Variants in HEXIM1 observed in about 807,000 individuals in gnomAD.
HEXIM1 encodes HEXIM P-TEFb complex subunit 1.
Under a neutral mutation model 30.3 loss-of-function variants are expected in HEXIM1, and 1 was observed. The ratio of observed to expected loss-of-function variants is 0.03; its 90% CI spans 0.01 to 0.16. The LOEUF is 0.16. HEXIM1 is among the 10% of genes least tolerant of loss of function. HEXIM1 has a pLI of 1.00. For missense variants in HEXIM1, 391 were observed against 476.4 expected (o/e 0.82, Z 1.67); for synonymous variants, 245 against 208.3 (o/e 1.18, Z -1.52).
chr17:45,150,593 A>G lies in HEXIM1; in HGVS notation c.*323A>G, dbSNP rs991200037. ...CCTTAAACGGAGCTATAAGGTGGCCAAATCTGAGAACAATTAAATTCATTT... is the reference window on the plus strand; with the variant it reads ...CCTTAAACGGAGCTATAAGGTGGCCGAATCTGAGAACAATTAAATTCATTT... On this transcript the variant is annotated 3_prime_UTR_variant, in exon 1 of 1. Transcript: ENST00000332499. 6 of 261,068 alleles carry G rather than the reference A, an allele frequency of 2.3e-5. No homozygotes were observed. The highest frequency in any genetic ancestry group is 1.3e-4 in the African/African-American group (6 of 44,460). 16.2% of individuals were successfully genotyped at this position (261,068 alleles called of 1,614,324 possible). A position where few individuals can be genotyped will look rare whatever the true frequency, so the allele number is the denominator to read the frequency against.
In HEXIM1 at chr17:45,150,372, C is replaced by T; in HGVS notation, c.*102C>T. The T allele has an allele frequency of 2.2e-6, 3 of 1,395,202 alleles. No individual in the cohort carries two copies. Among genetic ancestry groups the T allele is most frequent in the Non-Finnish European group, 2.9e-6 (3 of 1,031,158 alleles). The allele number at this position is 1,395,202 out of a possible 1,614,324, so 86.4% of individuals were successfully genotyped here. A position where few individuals can be genotyped will look rare whatever the true frequency, so the allele number is the denominator to read the frequency against. ...TAAGACAGTGGACCTTTTTATGACACATAATCAGAAGAGAAATCCCCCTGG... is the reference window on the plus strand; with the variant it reads ...TAAGACAGTGGACCTTTTTATGACATATAATCAGAAGAGAAATCCCCCTGG... On this transcript the variant is annotated 3_prime_UTR_variant, in exon 1 of 1. Transcript: ENST00000332499.
rs778225514 is a variant in HEXIM1 at position 45,149,942 on chromosome 17, G to T, written c.752G>T (p.Gly251Val). ...FMEEGGEEDG[G>V]SDGMGGDGSE... Reference sequence around the variant, plus strand: ...GAAGAAGGGGGTGAGGAGGATGGGGGCAGCGATGGGATGGGAGGGGACGGC... The same window carrying T: ...GAAGAAGGGGGTGAGGAGGATGGGGTCAGCGATGGGATGGGAGGGGACGGC... Residue 251 changes from glycine to valine, a missense_variant, in exon 1 of 1, where the codon GGC becomes GTC. Physicochemically the swap from Gly to Val is moderately radical, Grantham distance 109 (BLOSUM62 -3). Transcript: ENST00000332499. The surrounding 1 kb of genome is among the most constrained non-coding windows in gnomAD (Gnocchi z 5.3). 6.2e-7 allele frequency: 1 copy of T among 1,613,832 alleles called. No homozygotes were observed. The highest frequency in any genetic ancestry group is 8.5e-7 in the Non-Finnish European group (1 of 1,180,028).
Position 45,149,491 on chromosome 17 carries a change from G to A in HEXIM1, c.301G>A (p.Gly101Ser). 6.2e-7 allele frequency: 1 copy of A among 1,610,342 alleles called. No homozygotes were observed. The highest frequency in any genetic ancestry group is 8.5e-7 in the Non-Finnish European group (1 of 1,178,910). The change falls in exon 1 of 1, where the codon GGC (glycine) becomes AGC (serine). Residue 101 changes from glycine (G) to serine (S), a missense_variant. Transcript: ENST00000332499. This position sits in a 1 kb window ranked among gnomAD's most constrained non-coding sequence, Gnocchi z 5.3. ...GQNGDDSSAG[G>S]DFPPPAEVEP... ...GAATGGGGACGACTCGTCCGCTGGC[G>A]GCGACTTCCCGCCGCCGGCAGAAGT...
At position 45,151,438 on chromosome 17, in the gene HEXIM1, C is replaced by T. The variant is rs1395806151; in HGVS notation, c.*1168C>T. 1.2e-5 allele frequency: 2 copies of T among 166,984 alleles called. No individual in the cohort carries two copies. The highest frequency in any genetic ancestry group is 2.4e-5 in the African/African-American group (1 of 41,432). The allele number at this position is 166,984 out of a possible 1,614,324, so 10.3% of individuals were successfully genotyped here. Reference sequence around the variant, plus strand: ...CCTCAGCTGAATGAGGAACCCTGTACATCCCCTTGCACAGCCCTATTCTAA... The same window carrying T: ...CCTCAGCTGAATGAGGAACCCTGTATATCCCCTTGCACAGCCCTATTCTAA... On this transcript the variant is annotated 3_prime_UTR_variant, in exon 1 of 1. Transcript: ENST00000332499.
At position 45,149,103 on chromosome 17, in the gene HEXIM1, TTC is replaced by T. The variant is rs1491531525; in HGVS notation, c.-86_-85del. The T allele has an allele frequency of 4.0e-6, 5 of 1,252,590 alleles. No homozygotes were observed. The highest frequency in any genetic ancestry group is 2.9e-5 in the South Asian group (2 of 68,248). The allele number at this position is 1,252,590 out of a possible 1,614,324, so 77.6% of individuals were successfully genotyped here. A position where few individuals can be genotyped will look rare whatever the true frequency, so the allele number is the denominator to read the frequency against. ...AGGACTCTGTTGGACTGTTTTTTTTTTCTTTTTCTTTTTTTTAAGAAAAACCC... is the reference window on the plus strand; with the variant it reads ...AGGACTCTGTTGGACTGTTTTTTTTTTTTTTCTTTTTTTTAAGAAAAACCC... On this transcript the variant is annotated 5_prime_UTR_variant, in exon 1 of 1. Transcript: ENST00000332499. The surrounding 1 kb of genome is among the most constrained non-coding windows in gnomAD (Gnocchi z 5.3).
In HEXIM1 at chr17:45,149,259, T is replaced by C. The variant is rs769413846; in HGVS notation, c.69T>C (p.Ala23=). ...CTAGCAACTGTACAGGTGCTGCTGCTGTCCAGGAAGAGCTGAACCCTGAGC... is the reference window on the plus strand; with the variant it reads ...CTAGCAACTGTACAGGTGCTGCTGCCGTCCAGGAAGAGCTGAACCCTGAGC... ...PQTSNCTGAA[A]VQEELNPERP... The change falls in exon 1 of 1, where the codon GCT becomes GCC. Residue 23 remains alanine (A), a synonymous_variant. Coordinates refer to ENST00000332499, the MANE Select transcript of HEXIM1 (RefSeq NM_006460.3). The surrounding 1 kb of genome is among the most constrained non-coding windows in gnomAD (Gnocchi z 5.3). The C allele has an allele frequency of 6.8e-6, 11 of 1,613,956 alleles. No individual in the cohort carries two copies. Among genetic ancestry groups the C allele is most frequent in the Non-Finnish European group, 8.5e-6 (10 of 1,180,040 alleles).
chr17:45,149,627 G>A lies in HEXIM1; in HGVS notation c.437G>A (p.Arg146Lys), dbSNP rs756961690. 6 of 1,613,166 alleles carry A rather than the reference G, an allele frequency of 3.7e-6. No homozygotes were observed. Among genetic ancestry groups the A allele is most frequent in the South Asian group, 1.1e-5 (1 of 91,074 alleles). ...GGEEEWGQQQ[R>K]QLGKKKHRRR... ...GAAGAGGAGTGGGGACAGCAGCAGA[G>A]ACAGCTGGGGAAGAAAAAACATAGG... Residue 146 changes from arginine (R) to lysine (K), a missense_variant, in exon 1 of 1, where the codon AGA becomes AAA. Coordinates refer to ENST00000332499, the MANE Select transcript of HEXIM1 (RefSeq NM_006460.3). This position sits in a 1 kb window ranked among gnomAD's most constrained non-coding sequence, Gnocchi z 5.3.
rs1486813787 is a variant in HEXIM1, at chr17:45,148,477, C to T, written c.-714C>T. 9.3e-5 allele frequency: 37 copies of T among 396,262 alleles called. No individual in the cohort carries two copies. Among genetic ancestry groups the T allele is most frequent in the African/African-American group, 2.1e-5 (1 of 47,718 alleles). 24.5% of individuals were successfully genotyped at this position (396,262 alleles called of 1,614,324 possible). A position where few individuals can be genotyped will look rare whatever the true frequency, so the allele number is the denominator to read the frequency against. ...AGGGGCGCAGAGGACTGGGAGACAG[C>T]AGTTGGAAGTTGGCAGGTGGAGAGG... is the stretch of plus-strand genomic sequence containing the variant. On this transcript the variant is annotated 5_prime_UTR_variant, in exon 1 of 1. Coordinates refer to ENST00000332499, the MANE Select transcript of HEXIM1 (RefSeq NM_006460.3).
In HEXIM1 at chr17:45,149,814, C is replaced by T. The variant is rs1208887452; in HGVS notation, c.624C>T (p.Phe208=). ...QPVAPYNTTQ[F]LMDDHDQEEP... is the part of the protein sequence containing the mutation. The stretch of plus-strand genomic sequence containing the variant: ...TCGCGCCCTATAACACCACGCAGTT[C>T]CTCATGGATGATCACGACCAGGAGG... Residue 208 remains phenylalanine, a synonymous_variant, in exon 1 of 1, where the codon TTC becomes TTT. Coordinates refer to ENST00000332499, the MANE Select transcript of HEXIM1 (RefSeq NM_006460.3). This position sits in a 1 kb window ranked among gnomAD's most constrained non-coding sequence, Gnocchi z 5.3. The T allele has an allele frequency of 1.2e-6, 2 of 1,613,850 alleles. No individual in the cohort carries two copies. The highest frequency in any genetic ancestry group is 1.7e-6 in the Non-Finnish European group (2 of 1,180,020).
At position 45,149,156 on chromosome 17, in the gene HEXIM1, C is replaced by G; in HGVS notation, c.-35C>G. On this transcript the variant is annotated 5_prime_UTR_variant, in exon 1 of 1. Coordinates refer to ENST00000332499, the MANE Select transcript of HEXIM1 (RefSeq NM_006460.3). This position sits in a 1 kb window ranked among gnomAD's most constrained non-coding sequence, Gnocchi z 5.3. ...ATTTTTTTCCTTAAGGACTTACTAG[C>G]CAAAATTTCTTAAACTTCGAGGACT... 7 of 1,530,634 alleles carry G rather than the reference C, an allele frequency of 4.6e-6. No individual in the cohort carries two copies. The highest frequency in any genetic ancestry group is 1.8e-4 in the Middle Eastern group (1 of 5,702). The allele number at this position is 1,530,634 out of a possible 1,614,324, so 94.8% of individuals were successfully genotyped here. A position where few individuals can be genotyped will look rare whatever the true frequency, so the allele number is the denominator to read the frequency against.
At position 45,148,566 on chromosome 17, in the gene HEXIM1, G is replaced by A; in HGVS notation, c.-625G>A. 2.5e-6 allele frequency: 1 copy of A among 399,556 alleles called. No individual in the cohort carries two copies. Among genetic ancestry groups the A allele is most frequent in the Non-Finnish European group, 4.4e-6 (1 of 226,548 alleles). The allele number at this position is 399,556 out of a possible 1,614,324, so 24.8% of individuals were successfully genotyped here. On this transcript the variant is annotated 5_prime_UTR_variant, in exon 1 of 1. Coordinates refer to ENST00000332499, the MANE Select transcript of HEXIM1 (RefSeq NM_006460.3). ...GAGCTGTGGGAAGGGGGAGGAGGGA[G>A]GGAGGAAAAGAGGAGGAGGCGGAGG... is the stretch of plus-strand genomic sequence containing the variant.
chr17:45,150,034 A>C lies in HEXIM1; in HGVS notation c.844A>C (p.Met282Leu), dbSNP rs2055535069. ...ERYHTESLQN[M>L]SKQELIKEYL... Reference sequence around the variant, plus strand: ...GTACCACACGGAGAGCCTGCAGAACATGAGCAAGCAGGAGCTCATCAAGGA... The same window carrying C: ...GTACCACACGGAGAGCCTGCAGAACCTGAGCAAGCAGGAGCTCATCAAGGA... The change falls in exon 1 of 1, where the codon ATG becomes CTG. Residue 282 changes from methionine to leucine, a missense_variant. This residue lies in a region of HEXIM1 where 20 missense variants were observed against 68.1 expected (regional missense o/e 0.29). Transcript: ENST00000332499. The C allele has an allele frequency of 1.2e-6, 2 of 1,613,988 alleles. No individual in the cohort carries two copies. Among genetic ancestry groups the C allele is most frequent in the Non-Finnish European group, 1.7e-6 (2 of 1,180,034 alleles).
At position 45,149,140 on chromosome 17, in the gene HEXIM1, C is replaced by A; in HGVS notation, c.-51C>A. On this transcript the variant is annotated 5_prime_UTR_variant, in exon 1 of 1. Transcript: ENST00000332499. This position sits in a 1 kb window ranked among gnomAD's most constrained non-coding sequence, Gnocchi z 5.3. The stretch of plus-strand genomic sequence containing the variant: ...TTTTTAAGAAAAACCCATTTTTTTC[C>A]TTAAGGACTTACTAGCCAAAATTTC... 1 of 1,484,838 alleles carries A rather than the reference C, an allele frequency of 6.7e-7. No homozygotes were observed. The highest frequency in any genetic ancestry group is 9.0e-7 in the Non-Finnish European group (1 of 1,116,272). The allele number at this position is 1,484,838 out of a possible 1,614,324, so 92.0% of individuals were successfully genotyped here.
Position 45,150,870 on chromosome 17 carries a change from C to T in HEXIM1, c.*600C>T, listed in dbSNP as rs1266186873. On this transcript the variant is annotated 3_prime_UTR_variant, in exon 1 of 1. Transcript: ENST00000332499. Reference sequence around the variant, plus strand: ...GCAAAATTTAAGATGTAATTATCTTCAATACTTAAGTGTGCTTGCTTTCTA... The same window carrying T: ...GCAAAATTTAAGATGTAATTATCTTTAATACTTAAGTGTGCTTGCTTTCTA... The T allele has an allele frequency of 6.0e-6, 1 of 167,074 alleles. No homozygotes were observed. Among genetic ancestry groups the T allele is most frequent in the Admixed American group, 6.5e-5 (1 of 15,288 alleles). The allele number at this position is 167,074 out of a possible 1,614,324, so 10.3% of individuals were successfully genotyped here.
At position 45,149,561 on chromosome 17, in the gene HEXIM1, A is replaced by G. The variant is rs564812671; in HGVS notation, c.371A>G (p.Asp124Gly). 2 of 1,607,444 alleles carry G rather than the reference A, an allele frequency of 1.2e-6. No homozygotes were observed. The highest frequency in any genetic ancestry group is 4.5e-5 in the East Asian group (2 of 44,604). Residue 124 changes from aspartate (D) to glycine (G), a missense_variant, in exon 1 of 1, where the codon GAC becomes GGC. Around this residue, in one of 5 missense-constraint regions of HEXIM1, gnomAD observed 230 missense variants for 199.4 expected, o/e 1.15. Transcript: ENST00000332499. The surrounding 1 kb of genome is among the most constrained non-coding windows in gnomAD (Gnocchi z 5.3). ...EAELLAQPCH[D>G]SEASKLGAPA... ...GAGCTGCTCGCCCAGCCTTGTCATG[A>G]CTCCGAGGCCAGTAAGTTGGGGGCT... is the stretch of plus-strand genomic sequence containing the variant.
Position 45,149,688 on chromosome 17 carries a change from G to A in HEXIM1, c.498G>A (p.Pro166=). 6.2e-7 allele frequency: 1 copy of A among 1,612,418 alleles called. No individual in the cohort carries two copies. Among genetic ancestry groups the A allele is most frequent in the Non-Finnish European group, 8.5e-7 (1 of 1,179,994 alleles). ...RPSKKKRHWK[P]YYKLTWEEKK... is the part of the protein sequence containing the mutation. Reference sequence around the variant, plus strand: ...CCAAGAAGAAGCGGCATTGGAAACCGTACTACAAGCTGACCTGGGAAGAGA... The same window carrying A: ...CCAAGAAGAAGCGGCATTGGAAACCATACTACAAGCTGACCTGGGAAGAGA... Residue 166 remains proline (P), a synonymous_variant, in exon 1 of 1, where the codon CCG becomes CCA. Coordinates refer to ENST00000332499, the MANE Select transcript of HEXIM1 (RefSeq NM_006460.3). The surrounding 1 kb of genome is among the most constrained non-coding windows in gnomAD (Gnocchi z 5.3).
Position 45,148,525 on chromosome 17 carries a change from G to A in HEXIM1, c.-666G>A. On this transcript the variant is annotated 5_prime_UTR_variant, in exon 1 of 1. Transcript: ENST00000332499. ...AGGCAGGTTGGGAGGGAAAGTCGGG[G>A]GAGGACGCGGAAGAGGAGCTGTGGG... The A allele has an allele frequency of 2.5e-6, 1 of 400,062 alleles. No individual in the cohort carries two copies. The highest frequency in any genetic ancestry group is 3.6e-5 in the East Asian group (1 of 28,130). The allele number at this position is 400,062 out of a possible 1,614,324, so 24.8% of individuals were successfully genotyped here. A position where few individuals can be genotyped will look rare whatever the true frequency, so the allele number is the denominator to read the frequency against.
chr17:45,150,451 T>C lies in HEXIM1; in HGVS notation c.*181T>C, dbSNP rs2055539952. Reference sequence around the variant, plus strand: ...AGCTTGCGTGCTTTCTCCTGTTCTTTTAATTATGTGAAACTGAAGAGTTGC... The same window carrying C: ...AGCTTGCGTGCTTTCTCCTGTTCTTCTAATTATGTGAAACTGAAGAGTTGC... On this transcript the variant is annotated 3_prime_UTR_variant, in exon 1 of 1. Transcript: ENST00000332499. 1 of 631,756 alleles carries C rather than the reference T, an allele frequency of 1.6e-6. No individual in the cohort carries two copies. 39.1% of individuals were successfully genotyped at this position (631,756 alleles called of 1,614,324 possible).
rs1183486343 is a variant in HEXIM1 at position 45,149,268 on chromosome 17, A to T, written c.78A>T (p.Glu26Asp). The T allele has an allele frequency of 6.2e-7, 1 of 1,613,910 alleles. No individual in the cohort carries two copies. Among genetic ancestry groups the T allele is most frequent in the Non-Finnish European group, 8.5e-7 (1 of 1,180,038 alleles). Reference sequence around the variant, plus strand: ...GTACAGGTGCTGCTGCTGTCCAGGAAGAGCTGAACCCTGAGCGCCCCCCAG... The same window carrying T: ...GTACAGGTGCTGCTGCTGTCCAGGATGAGCTGAACCCTGAGCGCCCCCCAG... ...SNCTGAAAVQEELNPERPPGA... is the reference protein window; with the variant it reads ...SNCTGAAAVQDELNPERPPGA... Residue 26 changes from glutamate to aspartate, a missense_variant, in exon 1 of 1, where the codon GAA becomes GAT. Glu to Asp is a conservative substitution (Grantham distance 45). Coordinates refer to ENST00000332499, the MANE Select transcript of HEXIM1 (RefSeq NM_006460.3). The surrounding 1 kb of genome is among the most constrained non-coding windows in gnomAD (Gnocchi z 5.3).
Sources: allele counts gnomAD v4.1 joint callset, GRCh38; gene constraint gnomAD v4.1.1; regional missense constraint gnomAD v4.1.1; non-coding constraint Gnocchi (gnomAD v3.1); transcripts MANE v1.5; gene names NCBI Gene and HGNC (gene_info 2026-07-23, HGNC 2026-07-21).